The following HCN1 variants were observed in gnomAD, a reference collection of about 807,000 sequenced individuals.
The protein encoded by HCN1 is hyperpolarization activated cyclic nucleotide gated potassium channel 1, also known as potassium/sodium hyperpolarization-activated cyclic nucleotide-gated channel 1.
Under a neutral mutation model 78.9 loss-of-function variants are expected in HCN1, and 13 were observed. The observed-to-expected ratio is 0.16, with a 90% confidence interval of 0.11 to 0.26. The LOEUF is 0.26. Ranked by LOEUF, HCN1 falls within the 10% of genes least tolerant of loss-of-function variation. HCN1 has a pLI of 1.00. For synonymous variants in HCN1, 552 were observed against 455.5 expected (o/e 1.21, Z -2.70); for missense variants, 810 against 1,154.3 (o/e 0.70, Z 4.32).
chr5:45,376,349 T>G (rs187341389), intron 4 of HCN1, among the ~76,000 whole-genome samples: 5,815 of 109,376 alleles, frequency 0.053, 250 homozygotes, highest in African/African-American at 0.13. Flanking sequence ...TATATATATA[T>G]AGAGAGAGAG....
intron 3 of HCN1, among the ~76,000 whole-genome samples, chr5:45,449,353 C>T (rs892836469): frequency 6.6e-6 from 1 of 152,144 alleles, no homozygotes; most frequent in Admixed American, 6.5e-5. Context: ...TTTAACTTTA[C>T]TTGCATGCTT....
intron 2 of HCN1, among the ~76,000 whole-genome samples, chr5:45,481,000 A>G (rs180928009): frequency 2.0e-5 from 3 of 152,326 alleles, no homozygotes; most frequent in African/African-American, 7.2e-5. Context: ...CTAGAATGTA[A>G]GGCTTAGAGT....
intron 2 of HCN1, among the ~76,000 whole-genome samples, chr5:45,523,180 A>T (rs1490787994): frequency 6.6e-6 from 1 of 152,154 alleles, no homozygotes; most frequent in East Asian, 1.9e-4. Context: ...CCTACAAAGG[A>T]CATGAACTCA....
intron 1 of HCN1, among the ~76,000 whole-genome samples, chr5:45,671,081 C>G (rs1433483885): frequency 1.3e-5 from 2 of 151,608 alleles, no homozygotes; most frequent in African/African-American, 4.8e-5. Flanking sequence ...TCAGTAAACT[C>G]AAATAAATTC....
intron 4 of HCN1, among the ~76,000 whole-genome samples, chr5:45,372,230 ATATATT>A (rs1747409370): frequency 2.7e-5 from 2 of 73,626 alleles, no homozygotes; most frequent in East Asian, 1.0e-3. Context: ...TATATATAAT[ATATATT>A]ATATTTTATA....
At chr5:45,496,149 T>C (rs1012650854) in intron 2 of HCN1, among the ~76,000 whole-genome samples, 1 of 152,118 alleles carries the variant, frequency 6.6e-6, no homozygotes, top group Non-Finnish European at 1.5e-5. Flanking sequence ...TCTTTTTCTA[T>C]TGATTGGAAT....
intron 5 of HCN1, among the ~76,000 whole-genome samples, chr5:45,349,479 C>A (rs1379542679): frequency 3.3e-5 from 5 of 151,966 alleles, no homozygotes; most frequent in African/African-American, 1.2e-4. Context: ...AAAGCAAGAG[C>A]AAATACATTC....
intron 5 of HCN1, among the ~76,000 whole-genome samples, chr5:45,328,648 C>A (rs551662693): frequency 1.3e-5 from 2 of 151,712 alleles, no homozygotes; most frequent in East Asian, 3.9e-4. Context: ...AAGGAGATTT[C>A]ATCCCACTAT....
intron 5 of HCN1, among the ~76,000 whole-genome samples, chr5:45,315,363 C>G (rs1223827283): frequency 6.6e-6 from 1 of 152,054 alleles, no homozygotes; most frequent in Non-Finnish European, 1.5e-5. Context: ...CCTTTAAAAC[C>G]AATGAGAACA....
rs529357707 is a variant in HCN1, at chr5:45,339,932, T to G, written c.1377+13168A>C. Among the ~76,000 whole-genome samples the G allele has an allele frequency of 2.8e-3, 423 of 152,232 alleles. 1 individual carries two copies. The highest frequency in any genetic ancestry group is 9.7e-3 in the African/African-American group (402 of 41,550). ...TAATTTATGTATGTATTTATTTATT[T>G]TTTGAGACAGAGTTTTGCTCTTGTT... is the stretch of plus-strand genomic sequence containing the variant. On this transcript the variant is annotated intron_variant, in intron 5 of 7. Coordinates refer to ENST00000303230, the MANE Select transcript of HCN1 (RefSeq NM_021072.4).
chr5:45,378,521 C>T (rs1380537547), intron 4 of HCN1, among the ~76,000 whole-genome samples: 4 of 152,056 alleles, frequency 2.6e-5, no homozygotes, highest in African/African-American at 9.7e-5. Flanking sequence ...TTTAAGCACC[C>T]CTATCTCCAT....
At chr5:45,374,973 G>A (rs529992594) in intron 4 of HCN1, among the ~76,000 whole-genome samples, 3 of 140,734 alleles carry the variant, frequency 2.1e-5, no homozygotes, top group African/African-American at 7.8e-5. Context: ...AGCAGTGTGG[G>A]ATTTCTCTAA....
At chr5:45,383,123 G>A (rs1385572419) in intron 4 of HCN1, among the ~76,000 whole-genome samples, 1 of 152,140 alleles carries the variant, frequency 6.6e-6, no homozygotes, top group Non-Finnish European at 1.5e-5. Flanking sequence ...TTGTGGTCAT[G>A]CAGTTATGAA....
chr5:45,668,068 A>G (rs1199868365), intron 1 of HCN1, among the ~76,000 whole-genome samples: 1 of 152,028 alleles, frequency 6.6e-6, no homozygotes, highest in Admixed American at 6.6e-5. Context: ...AATGTCATGC[A>G]TCAGATTTAT....
At chr5:45,498,451 A>C (rs1742100921) in intron 2 of HCN1, among the ~76,000 whole-genome samples, 1 of 151,992 alleles carries the variant, frequency 6.6e-6, no homozygotes, top group Non-Finnish European at 1.5e-5. Flanking sequence ...TCCTTTAAGC[A>C]CTTCTCTGTA....
chr5:45,549,232 C>A (rs916364145), intron 2 of HCN1, among the ~76,000 whole-genome samples: 1 of 152,102 alleles, frequency 6.6e-6, no homozygotes, highest in African/African-American at 2.4e-5. Flanking sequence ...CATCACGCTA[C>A]CTGACTTCAA....
chr5:45,268,010 A>G (rs893815386), intron 6 of HCN1, among the ~76,000 whole-genome samples: 3 of 152,238 alleles, frequency 2.0e-5, no homozygotes, highest in African/African-American at 7.2e-5. Flanking sequence ...CAGATGGTAT[A>G]ATCTAGGCAG....
At chr5:45,564,597 T>C (rs1486386446) in intron 2 of HCN1, among the ~76,000 whole-genome samples, 1 of 152,212 alleles carries the variant, frequency 6.6e-6, no homozygotes, top group Non-Finnish European at 1.5e-5. Context: ...GGGTAGACTA[T>C]TAAAGCAACA....
chr5:45,324,236 A>G (rs1746188329), intron 5 of HCN1, among the ~76,000 whole-genome samples: 1 of 151,968 alleles, frequency 6.6e-6, no homozygotes, highest in South Asian at 2.1e-4. Context: ...GAATGGGAGA[A>G]AATTTTTGCA....
Sources: gnomAD v4.1 joint callset for allele counts (sites outside exome capture counted in the v4.1 genomes callset) on GRCh38, gnomAD v4.1.1 for gene constraint, MANE v1.5 for transcripts, NCBI Gene and HGNC (gene_info 2026-07-23, HGNC 2026-07-21) for gene names.